TEX12: variants seen among roughly 807,000 people sequenced by gnomAD.
The protein encoded by TEX12 is testis expressed 12.
TEX12 carries 7 observed loss-of-function variants against 14.6 expected under a neutral mutation model. The observed-to-expected ratio is 0.48, with a 90% CI of 0.27 to 0.90. The LOEUF (loss-of-function observed/expected upper bound fraction) is 0.90. Among genes scored for constraint, TEX12 ranks in the 40% least tolerant of loss-of-function variants. TEX12 has a pLI of 0.12. For missense variants in TEX12, 121 were observed against 135.7 expected (o/e 0.89, Z 0.54); for synonymous variants, 57 against 49.1 (o/e 1.16, Z -0.67).
intron 1 of TEX12, among the ~76,000 whole-genome samples, 196 bp downstream of exon 1, chr11:112,167,683 C>T (rs1047480349): frequency 6.6e-5 from 10 of 152,104 alleles, no homozygotes; most frequent in Non-Finnish European, 1.5e-4. Context: ...TAGTAACAGC[C>T]AGGTCACTAA....
intron 2 of TEX12, among the ~76,000 whole-genome samples, chr11:112,169,692 T>C (rs1266523242): frequency 1.3e-5 from 2 of 152,228 alleles, no homozygotes; most frequent in African/African-American, 4.8e-5. Context: ...CTTTTACTAC[T>C]GCCCCCACCA....
chr11:112,167,737 C>T (rs1201883197), intron 1 of TEX12, among the ~76,000 whole-genome samples: 1 of 152,122 alleles, frequency 6.6e-6, no homozygotes, highest in African/African-American at 2.4e-5. Context: ...GTTTGGCACA[C>T]GACGAAGACC....
In TEX12 at chr11:112,170,649, T is replaced by G; in HGVS notation, c.202T>G (p.Leu68Val). The change falls in exon 4 of 5, where the codon TTG (leucine) becomes GTG (valine). Residue 68 changes from leucine (L) to valine (V), a missense_variant. Leu to Val is a conservative substitution (Grantham distance 32). Coordinates refer to ENST00000280358, the MANE Select transcript of TEX12 (RefSeq NM_031275.4). Reference sequence around the variant, plus strand: ...TGTGAGCAAGGAAATTAATCTAATGTTGTCTACCTATGCAAAGCTTTTAAG... The same window carrying G: ...TGTGAGCAAGGAAATTAATCTAATGGTGTCTACCTATGCAAAGCTTTTAAG... ...NDVSKEINLM[L>V]STYAKLLSER... 1 of 1,611,928 alleles carries G rather than the reference T, an allele frequency of 6.2e-7. No homozygotes were observed. The highest frequency in any genetic ancestry group is 8.5e-7 in the Non-Finnish European group (1 of 1,178,450).
chr11:112,171,689 T>C, intron 4 of TEX12, 83 bp from the exon 5 acceptor site: 1 of 884,704 alleles, frequency 1.1e-6, no homozygotes, highest in Admixed American at 3.1e-5. Flanking sequence ...ATGAAATAGT[T>C]AACAAATATT....
chr11:112,172,434 G>T lies in TEX12; in HGVS notation c.*518G>T, dbSNP rs1225164691. On this transcript the variant is annotated 3_prime_UTR_variant, in exon 5 of 5. Coordinates refer to ENST00000280358, the MANE Select transcript of TEX12 (RefSeq NM_031275.4). ...TTTCTTAGAATATAATGACATAACT[G>T]TGTGCTATTTCCATTTGATTATTTT... 3 of 151,998 alleles carry T rather than the reference G, an allele frequency of 2.0e-5. No homozygotes were observed. Among genetic ancestry groups the T allele is most frequent in the South Asian group, 2.1e-4 (1 of 4,824 alleles). 9.4% of individuals were successfully genotyped at this position (151,998 alleles called of 1,614,324 possible).
At chr11:112,169,437 C>T (rs776917409) in intron 2 of TEX12, 106 bp downstream of exon 2, 15 of 832,130 alleles carry the variant, frequency 1.8e-5, no homozygotes, top group Non-Finnish European at 2.6e-5. Context: ...TTAATGTATT[C>T]GTATGCCCAG....
chr11:112,170,649 T>C lies in TEX12; in HGVS notation c.202T>C (p.Leu68=). ...NDVSKEINLM[L]STYAKLLSER... ...TGTGAGCAAGGAAATTAATCTAATG[T>C]TGTCTACCTATGCAAAGCTTTTAAG... The change falls in exon 4 of 5, where the codon TTG becomes CTG. Residue 68 remains leucine, a synonymous_variant. Coordinates refer to ENST00000280358, the MANE Select transcript of TEX12 (RefSeq NM_031275.4). The C allele has an allele frequency of 6.2e-7, 1 of 1,611,928 alleles. No homozygotes were observed. The highest frequency in any genetic ancestry group is 8.5e-7 in the Non-Finnish European group (1 of 1,178,450).
intron 2 of TEX12, 59 bp from the exon 3 acceptor site, chr11:112,170,360 A>ATGTATATGTCC (rs1866775084): frequency 8.7e-7 from 1 of 1,153,268 alleles, no homozygotes; most frequent in Admixed American, 2.4e-5. Context: ...AATAAACAAA[A>ATGTATATGTCC]TGTATATGTC....
chr11:112,170,744 T>C, intron 4 of TEX12, 70 bp downstream of exon 4: 1 of 1,292,772 alleles, frequency 7.7e-7, no homozygotes, highest in South Asian at 1.3e-5. Flanking sequence ...TATTGGGAAG[T>C]TTAATTCTGT....
Position 112,172,159 on chromosome 11 carries a change from T to A in TEX12, c.*243T>A, listed in dbSNP as rs1329067017. ...AACTACGTCACTTTTCTTTTGAGGG[T>A]CAAATATTTAGTGCATTTTATAGAA... On this transcript the variant is annotated 3_prime_UTR_variant, in exon 5 of 5. Coordinates refer to ENST00000280358, the MANE Select transcript of TEX12 (RefSeq NM_031275.4). 4.4e-6 allele frequency: 1 copy of A among 226,254 alleles called. No individual in the cohort carries two copies. The highest frequency in any genetic ancestry group is 8.6e-6 in the Non-Finnish European group (1 of 116,778). The allele number at this position is 226,254 out of a possible 1,614,324, so 14.0% of individuals were successfully genotyped here. A position where few individuals can be genotyped will look rare whatever the true frequency, so the allele number is the denominator to read the frequency against.
At position 112,172,389 on chromosome 11, in the gene TEX12, C is replaced by A. The variant is rs927110718; in HGVS notation, c.*473C>A. 1 of 151,560 alleles carries A rather than the reference C, an allele frequency of 6.6e-6. No individual in the cohort carries two copies. The highest frequency in any genetic ancestry group is 6.6e-5 in the Admixed American group (1 of 15,220). The allele number at this position is 151,560 out of a possible 1,614,324, so 9.4% of individuals were successfully genotyped here. A position where few individuals can be genotyped will look rare whatever the true frequency, so the allele number is the denominator to read the frequency against. On this transcript the variant is annotated 3_prime_UTR_variant, in exon 5 of 5. Coordinates refer to ENST00000280358, the MANE Select transcript of TEX12 (RefSeq NM_031275.4). Reference sequence around the variant, plus strand: ...CAGGATTATAAAAGAAGATTAAAACCTTAGAGGTGATTTTTCCAGTTTCTT... The same window carrying A: ...CAGGATTATAAAAGAAGATTAAAACATTAGAGGTGATTTTTCCAGTTTCTT...
chr11:112,170,364 A>T (rs538249021), intron 2 of TEX12, 55 bp from the exon 3 acceptor site: 1 of 1,195,478 alleles, frequency 8.4e-7, no homozygotes, highest in South Asian at 1.3e-5. Flanking sequence ...AACAAAATGT[A>T]TATGTCCTGA....
intron 2 of TEX12, among the ~76,000 whole-genome samples, chr11:112,170,202 A>G (rs909658032): frequency 6.6e-6 from 1 of 152,228 alleles, no homozygotes; most frequent in African/African-American, 2.4e-5. Flanking sequence ...AGCAAAGTCT[A>G]GTTGAAAACC....
rs374971784 is a variant in TEX12 at position 112,170,559 on chromosome 11, A to G, written c.175+29A>G. 6 of 1,590,766 alleles carry G rather than the reference A, an allele frequency of 3.8e-6. No homozygotes were observed. The African/African-American group carries it at 8.1e-5, about 21-fold the overall frequency. On this transcript the variant is annotated intron_variant, in intron 3 of 4. Coordinates refer to ENST00000280358, the MANE Select transcript of TEX12 (RefSeq NM_031275.4). ...ATGTATAAAATGTTTATATTTCTAA[A>G]CATCAGTCTTATAATGCAGAAGGTT...
rs747588570 is a variant in TEX12, at chr11:112,169,263, C to T, written c.-6C>T. The T allele has an allele frequency of 7.6e-5, 122 of 1,612,756 alleles. No individual in the cohort carries two copies. Among genetic ancestry groups the T allele is most frequent in the Admixed American group, 2.3e-4 (14 of 59,984 alleles). ...TTCTAAGCTTTGTAGCTGGTGCCTTCGGAATATGATGGCAAATCACCTTGT... is the reference window on the plus strand; with the variant it reads ...TTCTAAGCTTTGTAGCTGGTGCCTTTGGAATATGATGGCAAATCACCTTGT... On this transcript the variant is annotated 5_prime_UTR_variant, in exon 2 of 5. Coordinates refer to ENST00000280358, the MANE Select transcript of TEX12 (RefSeq NM_031275.4).
rs1403255534 is a variant in TEX12 at position 112,172,083 on chromosome 11, T to G, written c.*167T>G. 1 of 404,694 alleles carries G rather than the reference T, an allele frequency of 2.5e-6. No individual in the cohort carries two copies. The highest frequency in any genetic ancestry group is 4.2e-6 in the Non-Finnish European group (1 of 236,166). 25.1% of individuals were successfully genotyped at this position (404,694 alleles called of 1,614,324 possible). On this transcript the variant is annotated 3_prime_UTR_variant, in exon 5 of 5. Transcript: ENST00000280358. ...TTTAAAAAGGAACTTTTAAATTCCTTAATGTTAATATTAATGTTCATGTTA... is the reference window on the plus strand; with the variant it reads ...TTTAAAAAGGAACTTTTAAATTCCTGAATGTTAATATTAATGTTCATGTTA...
Position 112,167,490 on chromosome 11 carries a change from G to T in TEX12, c.-17+3G>T, listed in dbSNP as rs1399512731. ...GACGGACTGTGACACAAGGAAGGGT[G>T]CGAGGATGGAAACTTCCTCTGAGGG... is the stretch of plus-strand genomic sequence containing the variant. On this transcript the variant is annotated splice_donor_region_variant and intron_variant, in intron 1 of 4. Coordinates refer to ENST00000280358, the MANE Select transcript of TEX12 (RefSeq NM_031275.4). The T allele has an allele frequency of 2.0e-5, 3 of 152,580 alleles. No individual in the cohort carries two copies. Among genetic ancestry groups the T allele is most frequent in the Non-Finnish European group, 4.4e-5 (3 of 68,322 alleles). 9.5% of individuals were successfully genotyped at this position (152,580 alleles called of 1,614,324 possible).
chr11:112,169,148 A>T, intron 1 of TEX12, 105 bp from the exon 2 acceptor site: 1 of 734,252 alleles, frequency 1.4e-6, no homozygotes, highest in South Asian at 1.7e-5. Context: ...AGATAATGAC[A>T]GTCTAAATTA....
At chr11:112,170,047 G>T (rs966017938) in intron 2 of TEX12, among the ~76,000 whole-genome samples, 1 of 152,156 alleles carries the variant, frequency 6.6e-6, no homozygotes. Context: ...GGGCATGGTG[G>T]AATGTTCCTG....
Sources: allele counts gnomAD v4.1 joint callset (sites outside exome capture counted in the v4.1 genomes callset), GRCh38; gene constraint gnomAD v4.1.1; transcripts MANE v1.5; gene names NCBI Gene and HGNC (gene_info 2026-07-23, HGNC 2026-07-21).